FHOD3: variants seen among roughly 807,000 people sequenced by gnomAD.
The protein encoded by FHOD3 is formin homology 2 domain containing 3, also known as FH1/FH2 domain-containing protein 3.
Under a neutral mutation model 173.0 loss-of-function variants are expected in FHOD3, and 90 were observed. The ratio of observed to expected loss-of-function variants is 0.52; its 90% confidence interval spans 0.44 to 0.62. The LOEUF is 0.62. FHOD3 is among the 20% of genes least tolerant of loss of function. The pLI is 0.00. For synonymous variants in FHOD3, 828 were observed against 823.0 expected (o/e 1.01, Z -0.10); for missense variants, 1,945 against 2,034.7 (o/e 0.96, Z 0.85).
Position 36,769,420 on chromosome 18 carries a change from A to C in FHOD3, c.4780A>C (p.Lys1594Gln). ...GAGGAAACGATCCCGGGCCAACCGGAAATCTTGTGAGTGCATTAAAGGAGG... is the reference window on the plus strand; with the variant it reads ...GAGGAAACGATCCCGGGCCAACCGGCAATCTTGTGAGTGCATTAAAGGAGG... ...RERKRSRANRKSLRRTLKSGL... is the reference protein window; with the variant it reads ...RERKRSRANRQSLRRTLKSGL... Residue 1594 changes from lysine to glutamine, a missense_variant, in exon 28 of 29, where the codon AAA becomes CAA. By Grantham distance (53) the Lys-to-Gln change is moderately conservative. Around this residue, in one of 5 missense-constraint regions of FHOD3, gnomAD observed 354 missense variants for 359.9 expected, o/e 0.98. Transcript: ENST00000590592. 9.3e-6 allele frequency: 15 copies of C among 1,614,032 alleles called. No homozygotes were observed. The highest frequency in any genetic ancestry group is 1.3e-5 in the Non-Finnish European group (15 of 1,179,976).
chr18:36,536,946 A>C (rs2057019333), intron 5 of FHOD3, among the ~76,000 whole-genome samples: 1 of 152,238 alleles, frequency 6.6e-6, no homozygotes, highest in Non-Finnish European at 1.5e-5. Flanking sequence ...GGTAGAGAAA[A>C]ATAAACTTAT....
chr18:36,422,552 T>C (rs183398644), intron 3 of FHOD3, among the ~76,000 whole-genome samples: 9 of 152,302 alleles, frequency 5.9e-5, no homozygotes, highest in African/African-American at 1.9e-4. Flanking sequence ...TTTTGATAGA[T>C]GATATCAAAT....
intron 5 of FHOD3, among the ~76,000 whole-genome samples, chr18:36,519,392 C>T (rs2056156756): frequency 6.6e-6 from 1 of 152,150 alleles, no homozygotes; most frequent in African/African-American, 2.4e-5. Flanking sequence ...ATGGATCTGC[C>T]AAGGTCAGTG....
At chr18:36,744,785 C>CA (rs1324677830) in intron 23 of FHOD3, among the ~76,000 whole-genome samples, 1 of 152,218 alleles carries the variant, frequency 6.6e-6, no homozygotes, top group Non-Finnish European at 1.5e-5. Context: ...AAGAGACAGT[C>CA]ACAGTATGTG....
chr18:36,760,747 C>A lies in FHOD3; in HGVS notation c.4589C>A (p.Ala1530Glu). ...CCCTCCGTGGAGGACGCCACCCCCG[C>A]GCTGGGCGTCCGCACACGCAGCCGA... Reference protein sequence around the residue: ...SSPSVEDATPALGVRTRSRAS... With the variant: ...SSPSVEDATPELGVRTRSRAS... Residue 1530 changes from alanine (A) to glutamate (E), a missense_variant, in exon 27 of 29, where the codon GCG becomes GAG. This residue lies in a region of FHOD3 where 354 missense variants were observed against 359.9 expected (regional missense o/e 0.98). Coordinates refer to ENST00000590592, the MANE Select transcript of FHOD3 (RefSeq NM_001281740.3). The A allele has an allele frequency of 6.2e-7, 1 of 1,612,278 alleles. No individual in the cohort carries two copies. The highest frequency in any genetic ancestry group is 8.5e-7 in the Non-Finnish European group (1 of 1,179,740).
At chr18:36,485,731 A>G (rs1023567110) in intron 3 of FHOD3, among the ~76,000 whole-genome samples, 3 of 152,328 alleles carry the variant, frequency 2.0e-5, no homozygotes, top group East Asian at 1.9e-4. Flanking sequence ...AGGAAACATC[A>G]GGAAAGCATT....
chr18:36,369,516 G>T (rs760824807), intron 2 of FHOD3, among the ~76,000 whole-genome samples: 3,326 of 145,568 alleles, frequency 0.023, 69 homozygotes, highest in Non-Finnish European at 0.03. Context: ...TAGAGAGAGA[G>T]AGAGAGAGAG....
chr18:36,358,704 C>G (rs1271262062), intron 2 of FHOD3, among the ~76,000 whole-genome samples: 1 of 152,084 alleles, frequency 6.6e-6, no homozygotes, highest in Non-Finnish European at 1.5e-5. Flanking sequence ...TTGATAGGGT[C>G]TTTCTTTGTC....
intron 25 of FHOD3, among the ~76,000 whole-genome samples, chr18:36,758,877 G>A (rs78428319): frequency 0.02 from 2,976 of 152,276 alleles, 81 homozygotes; most frequent in African/African-American, 0.067. Flanking sequence ...AGATTGGCCC[G>A]GAGCCGTGTG....
At chr18:36,431,711 C>G (rs559056660) in intron 3 of FHOD3, among the ~76,000 whole-genome samples, 21 of 152,264 alleles carry the variant, frequency 1.4e-4, no homozygotes, top group African/African-American at 5.1e-4. Flanking sequence ...ATGGGTTTAT[C>G]ACTATAATTT....
chr18:36,532,122 C>T (rs1200937278), intron 5 of FHOD3, among the ~76,000 whole-genome samples: 1 of 152,202 alleles, frequency 6.6e-6, no homozygotes, highest in East Asian at 1.9e-4. Context: ...ACCCTAAGTT[C>T]CTCCCAGGCC....
intron 3 of FHOD3, among the ~76,000 whole-genome samples, chr18:36,440,339 G>T (rs774532490): frequency 6.6e-6 from 1 of 152,204 alleles, no homozygotes; most frequent in Non-Finnish European, 1.5e-5. Flanking sequence ...TTCCACATCC[G>T]CCTGGGGAGA....
intron 8 of FHOD3, among the ~76,000 whole-genome samples, chr18:36,607,594 T>C (rs1320294437): frequency 1.1e-4 from 17 of 152,206 alleles, no homozygotes; most frequent in Admixed American, 1.0e-3. Flanking sequence ...TTTTTTACTC[T>C]TTACATGGCC....
chr18:36,645,802 T>A (rs914344078), intron 10 of FHOD3, among the ~76,000 whole-genome samples: 13 of 152,080 alleles, frequency 8.5e-5, no homozygotes, highest in Admixed American at 3.9e-4. Context: ...ACATTTTTTT[T>A]AAAAAAGCAG....
chr18:36,455,544 C>T (rs982382866), intron 3 of FHOD3, among the ~76,000 whole-genome samples: 4 of 148,112 alleles, frequency 2.7e-5, no homozygotes, highest in Admixed American at 6.8e-5. Context: ...TCCATTTAGA[C>T]AGATGTCGGC....
intron 1 of FHOD3, among the ~76,000 whole-genome samples, chr18:36,347,883 T>C (rs768046671): frequency 1.6e-4 from 24 of 152,242 alleles, no homozygotes; most frequent in Non-Finnish European, 3.2e-4. Flanking sequence ...AAATGCATTA[T>C]ACATACAAAG....
chr18:36,602,160 A>G (rs891894420), intron 7 of FHOD3, among the ~76,000 whole-genome samples: 2 of 152,196 alleles, frequency 1.3e-5, no homozygotes, highest in Non-Finnish European at 2.9e-5. Context: ...CCTAGCTGAT[A>G]CTTAATAGTA....
intron 23 of FHOD3, among the ~76,000 whole-genome samples, chr18:36,745,314 A>T (rs142787171): frequency 1.8e-4 from 28 of 152,292 alleles, no homozygotes; most frequent in Admixed American, 4.6e-4. Flanking sequence ...ATCTGGACTC[A>T]GGATTCCTTT....
chr18:36,519,966 T>TTTTC (rs1555738678), intron 5 of FHOD3, among the ~76,000 whole-genome samples: 1 of 149,748 alleles, frequency 6.7e-6, no homozygotes, highest in Non-Finnish European at 1.5e-5. Context: ...TTTTTTTTTT[T>TTTTC]TTTTTTTAAA....
Sources: gnomAD v4.1 joint callset for allele counts (sites outside exome capture counted in the v4.1 genomes callset) on GRCh38, gnomAD v4.1.1 for gene constraint, gnomAD v4.1.1 regional missense constraint, MANE v1.5 for transcripts, NCBI Gene and HGNC (gene_info 2026-07-23, HGNC 2026-07-21) for gene names.